CAMTA1: variants seen among roughly 807,000 people sequenced by gnomAD.
The protein encoded by CAMTA1 is calmodulin binding transcription activator 1, also known as calmodulin-binding transcription activator 1.
Under a neutral mutation model 170.9 loss-of-function variants are expected in CAMTA1, and 27 were observed. That is an observed-to-expected ratio of 0.16 (90% confidence interval 0.12 to 0.22). CAMTA1 has a LOEUF of 0.22. CAMTA1 is among the 10% of genes least tolerant of loss of function. CAMTA1 has a pLI of 1.00. For missense variants in CAMTA1, 1,619 were observed against 2,217.2 expected, an observed-to-expected ratio of 0.73 and a Z score of 5.42; for synonymous variants, 833 against 891.5, an observed-to-expected ratio of 0.93 and a Z score of 1.17.
In CAMTA1 at chr1:7,047,116, G is replaced by A. The variant is rs141347290; in HGVS notation, c.235-44188G>A. On this transcript the variant is annotated intron_variant, in intron 3 of 22. Transcript: ENST00000303635. ...AATCAGGGCTGCTTGTGCTGAGGTGGAGGCTCCAGCAGCCTGGATCCCTGA... is the reference window on the plus strand; with the variant it reads ...AATCAGGGCTGCTTGTGCTGAGGTGAAGGCTCCAGCAGCCTGGATCCCTGA... Among the ~76,000 whole-genome samples the A allele has an allele frequency of 6.5e-3, 985 of 152,280 alleles. 12 individuals are homozygous for A. The highest frequency in any genetic ancestry group is 0.024 in the Middle Eastern group (7 of 294).
At chr1:6,905,404 G>A (rs752475524) in intron 3 of CAMTA1, among the ~76,000 whole-genome samples, 2 of 151,926 alleles carry the variant, frequency 1.3e-5, no homozygotes, top group Non-Finnish European at 2.9e-5. Flanking sequence ...ATGTTGGCCA[G>A]GGCTGGTGTT....
intron 7 of CAMTA1, among the ~76,000 whole-genome samples, chr1:7,648,399 A>T (rs1200583613): frequency 1.3e-5 from 2 of 151,986 alleles, no homozygotes; most frequent in Non-Finnish European, 2.9e-5. Context: ...CTCAAAAAAA[A>T]AAAAAAGAGA....
intron 6 of CAMTA1, among the ~76,000 whole-genome samples, chr1:7,623,967 G>C (rs144278636): frequency 6.6e-6 from 1 of 152,200 alleles, no homozygotes; most frequent in African/African-American, 2.4e-5. Flanking sequence ...CTCTATCCTC[G>C]ACGCAAAATA....
chr1:7,720,185 CT>C (rs142501097), intron 11 of CAMTA1, among the ~76,000 whole-genome samples: 3,674 of 152,246 alleles, frequency 0.024, 61 homozygotes, highest in Non-Finnish European at 0.035. Context: ...GAAAGTGTTC[CT>C]TTTGTTTAAC....
At chr1:6,806,795 CAA>C (rs1264755051) in intron 1 of CAMTA1, among the ~76,000 whole-genome samples, 2 of 152,092 alleles carry the variant, frequency 1.3e-5, no homozygotes, top group Non-Finnish European at 2.9e-5. Flanking sequence ...GAATATTTAT[CAA>C]AGAGTTAGGA....
Position 7,730,908 on chromosome 1 carries a change from ATCTCTC to A in CAMTA1, c.2915-1524_2915-1519del, listed in dbSNP as rs34139853. Reference sequence around the variant, plus strand: ...AGTGAGATTCCATCTCAAAGTCTCAATCTCTCTCTCTCTCTCTCTCTATATATATAT... The same window carrying A: ...AGTGAGATTCCATCTCAAAGTCTCAATCTCTCTCTCTCTCTATATATATAT... On this transcript the variant is annotated intron_variant, in intron 11 of 22. Coordinates refer to ENST00000303635, the MANE Select transcript of CAMTA1 (RefSeq NM_015215.4). 2.2e-4 allele frequency among the ~76,000 whole-genome samples: 32 copies of A among 144,078 alleles called. No homozygotes were observed. The South Asian group carries it at 2.7e-3, about 12-fold the overall frequency. The allele number at this position is 144,078 out of a possible 152,430, so 94.5% of individuals were successfully genotyped here. A position where few individuals can be genotyped will look rare whatever the true frequency, so the allele number is the denominator to read the frequency against.
At chr1:7,502,085 G>A (rs1325122886) in intron 6 of CAMTA1, among the ~76,000 whole-genome samples, 1 of 152,252 alleles carries the variant, frequency 6.6e-6, no homozygotes, top group Non-Finnish European at 1.5e-5. Context: ...CTCAGGGTTA[G>A]CACATGTGGT....
chr1:7,426,665 T>G lies in CAMTA1; in HGVS notation c.439-41165T>G, dbSNP rs2091888829. Among the ~76,000 whole-genome samples the G allele has an allele frequency of 6.7e-6, 1 of 149,112 alleles. No homozygotes were observed. The highest frequency in any genetic ancestry group is 6.9e-5 in the Admixed American group (1 of 14,596). Reference sequence around the variant, plus strand: ...TGGCGACTGTGCAAAAAAGCAGGGGTTGGGGCGGGGGAAAGGTGGAGAAAA... The same window carrying G: ...TGGCGACTGTGCAAAAAAGCAGGGGGTGGGGCGGGGGAAAGGTGGAGAAAA... On this transcript the variant is annotated intron_variant, in intron 5 of 22. Transcript: ENST00000303635. This position sits in a 1 kb window ranked among gnomAD's most constrained non-coding sequence, Gnocchi z 4.8.
chr1:7,353,685 A>G (rs2149907878), intron 5 of CAMTA1, among the ~76,000 whole-genome samples: 1 of 152,170 alleles, frequency 6.6e-6, no homozygotes, highest in Non-Finnish European at 1.5e-5. Flanking sequence ...CAGCCTGCTA[A>G]AGTGCTGGGA....
chr1:6,825,898 A>T (rs1212681522), intron 3 of CAMTA1, among the ~76,000 whole-genome samples: 2 of 152,328 alleles, frequency 1.3e-5, no homozygotes, highest in Non-Finnish European at 2.9e-5. Context: ...AATTTAAGGT[A>T]ATACCCGTTT....
Position 7,732,463 on chromosome 1 carries a change from T to C in CAMTA1, c.2930T>C (p.Met977Thr), listed in dbSNP as rs780237102. The change falls in exon 12 of 23, where the codon ATG becomes ACG. Residue 977 changes from methionine (M) to threonine (T), a missense_variant. Met to Thr is a moderately conservative substitution (Grantham distance 81). Around this residue, in one of 8 missense-constraint regions of CAMTA1, gnomAD observed 143 missense variants for 184.2 expected, o/e 0.78. Coordinates refer to ENST00000303635, the MANE Select transcript of CAMTA1 (RefSeq NM_015215.4). This position sits in a 1 kb window ranked among gnomAD's most constrained non-coding sequence, Gnocchi z 4.1. The stretch of plus-strand genomic sequence containing the variant: ...TCTGCCCTAGATAACCAGTTCAGGA[T>C]GTCCATCCTGGAACGACTGGAGCAG... ...WLSLDDNQFRMSILERLEQME... is the reference protein window; with the variant it reads ...WLSLDDNQFRTSILERLEQME... 5 of 1,614,002 alleles carry C rather than the reference T, an allele frequency of 3.1e-6. No individual in the cohort carries two copies. Among genetic ancestry groups the C allele is most frequent in the Non-Finnish European group, 4.2e-6 (5 of 1,180,000 alleles).
intron 5 of CAMTA1, among the ~76,000 whole-genome samples, chr1:7,371,040 T>G (rs547085655): frequency 6.6e-6 from 1 of 150,420 alleles, no homozygotes; most frequent in South Asian, 2.1e-4. Context: ...GCCTCCAGAG[T>G]AGCTGGGATT....
intron 3 of CAMTA1, among the ~76,000 whole-genome samples, chr1:6,938,545 T>C (rs1685855657): frequency 6.6e-6 from 1 of 152,174 alleles, no homozygotes; most frequent in Non-Finnish European, 1.5e-5. Flanking sequence ...AAGTCAACCA[T>C]GCTGTCCTCC....
Position 6,879,613 on chromosome 1 carries a change from C to CTT in CAMTA1, c.234+54419_234+54420dup, listed in dbSNP as rs58610375. On this transcript the variant is annotated intron_variant, in intron 3 of 22. Transcript: ENST00000303635. The stretch of plus-strand genomic sequence containing the variant: ...TTATAAAGGCTTCTTTTCCTTTTTT[C>CTT]TTTTTTTTTTTTTTTTTGAGACAAG... 2.1e-3 allele frequency among the ~76,000 whole-genome samples: 279 copies of CTT among 132,854 alleles called. 2 individuals are homozygous for CTT. The highest frequency in any genetic ancestry group is 3.1e-3 in the Admixed American group (39 of 12,682). The allele number at this position is 132,854 out of a possible 152,430, so 87.2% of individuals were successfully genotyped here. A position where few individuals can be genotyped will look rare whatever the true frequency, so the allele number is the denominator to read the frequency against.
intron 5 of CAMTA1, among the ~76,000 whole-genome samples, chr1:7,464,828 G>C (rs1453605782): frequency 6.6e-6 from 1 of 151,976 alleles, no homozygotes; most frequent in African/African-American, 2.4e-5. Flanking sequence ...GAAAGGATTA[G>C]AATCGTACCC....
intron 6 of CAMTA1, among the ~76,000 whole-genome samples, chr1:7,494,769 A>C (rs2093798352): frequency 6.6e-6 from 1 of 152,128 alleles, no homozygotes; most frequent in Non-Finnish European, 1.5e-5. Context: ...GCGCCACTGC[A>C]CTCCAGCGTG....
At chr1:6,926,461 TTTCTTTC>T (rs1389686733) in intron 3 of CAMTA1, among the ~76,000 whole-genome samples, 2 of 136,752 alleles carry the variant, frequency 1.5e-5, no homozygotes, top group Admixed American at 7.0e-5. Context: ...TCTTTCTTTC[TTTCTTTC>T]TTTCTTTCTT....
intron 6 of CAMTA1, among the ~76,000 whole-genome samples, chr1:7,557,325 A>G (rs1280291248): frequency 1.3e-5 from 2 of 150,088 alleles, no homozygotes; most frequent in Non-Finnish European, 3.0e-5. Context: ...AAAAAAAAAG[A>G]TGTGCAACAG....
intron 5 of CAMTA1, among the ~76,000 whole-genome samples, chr1:7,320,649 G>GTTTTTTT (rs55683398): frequency 2.2e-4 from 18 of 80,300 alleles, no homozygotes; most frequent in African/African-American, 5.9e-4. Context: ...TGCTGTGTGT[G>GTTTTTTT]TTTTTTTTTT....
Sources: gnomAD v4.1 joint callset for allele counts (sites outside exome capture counted in the v4.1 genomes callset) on GRCh38, gnomAD v4.1.1 for gene constraint, gnomAD v4.1.1 regional missense constraint, Gnocchi (gnomAD v3.1) non-coding constraint, MANE v1.5 for transcripts, NCBI Gene and HGNC (gene_info 2026-07-23, HGNC 2026-07-21) for gene names.